The following ZSCAN4 variants were observed in gnomAD, a reference collection of about 807,000 sequenced individuals.
ZSCAN4 encodes zinc finger and SCAN domain containing 4.
Under a neutral mutation model 18.3 loss-of-function variants are expected in ZSCAN4, and 18 were observed. The observed-to-expected ratio is 0.98, with a 90% CI of 0.68 to 1.46. ZSCAN4 has a LOEUF of 1.46. ZSCAN4 is among the 40% of genes most tolerant of loss of function. The probability of loss-of-function intolerance (pLI) is 0.00; values close to 1 mark genes in which losing one functional copy is unlikely to be tolerated. For missense variants in ZSCAN4, 498 were observed against 511.4 expected (o/e 0.97, Z 0.25); for synonymous variants, 193 against 180.3 (o/e 1.07, Z -0.57).
chr19:57,656,359 T>C, the ZSCAN4 span, among the ~76,000 whole-genome samples: 3 of 152,366 alleles, frequency 2.0e-5, no homozygotes, highest in South Asian at 6.2e-4. Context: ...AAGGGAAGGC[T>C]GATGTTATCT....
At chr19:57,676,943 T>C (rs1984207262) in intron 3 of ZSCAN4, among the ~76,000 whole-genome samples, 2 of 152,118 alleles carry the variant, frequency 1.3e-5, no homozygotes, top group African/African-American at 2.4e-5. Context: ...CAAGGCCGGC[T>C]AATTTTTGTA....
the ZSCAN4 span, among the ~76,000 whole-genome samples, chr19:57,663,147 CCCG>C: frequency 4.0e-5 from 6 of 151,604 alleles, no homozygotes; most frequent in Non-Finnish European, 7.4e-5. Flanking sequence ...AAGTGATCCG[CCCG>C]CCTCGGCCTC....
chr19:57,662,858 C>G, the ZSCAN4 span, among the ~76,000 whole-genome samples: 1 of 151,958 alleles, frequency 6.6e-6, no homozygotes, highest in Non-Finnish European at 1.5e-5. Flanking sequence ...CTACACCCAG[C>G]CTAAGACTAT....
Position 57,678,154 on chromosome 19 carries a change from C to T in ZSCAN4, c.563-12C>T. On this transcript the variant is annotated splice_polypyrimidine_tract_variant and intron_variant, in intron 4 of 4. Transcript: ENST00000318203. Reference sequence around the variant, plus strand: ...TCTTAAGTACAACTTCATTGAGTGTCTATTTTCACAGGATATGAAGATGAA... The same window carrying T: ...TCTTAAGTACAACTTCATTGAGTGTTTATTTTCACAGGATATGAAGATGAA... 1 of 1,609,426 alleles carries T rather than the reference C, an allele frequency of 6.2e-7. No homozygotes were observed.
exon 5 of ZSCAN4, chr19:57,678,472 A>G (rs1401817399): frequency 6.2e-7 from 1 of 1,614,162 alleles, no homozygotes; most frequent in African/African-American, 1.3e-5. Context: ...CTTACCCACC[A>G]GAGCAATGAG....
chr19:57,676,090 A>G (rs1224575911), exon 3 of ZSCAN4: 8 of 1,512,444 alleles, frequency 5.3e-6, no homozygotes, highest in Non-Finnish European at 7.1e-6. Flanking sequence ...CCCTAGAGAC[A>G]CAAGGCAAGA....
chr19:57,658,833 CAAA>C, the ZSCAN4 span, among the ~76,000 whole-genome samples: 4 of 68,694 alleles, frequency 5.8e-5, no homozygotes, highest in Admixed American at 1.6e-4. Context: ...GACTGTGTCT[CAAA>C]AAAAAAAAAA....
chr19:57,673,173 C>T (rs762923795), intron 2 of ZSCAN4, among the ~76,000 whole-genome samples: 57 of 152,144 alleles, frequency 3.7e-4, no homozygotes, highest in Non-Finnish European at 6.2e-4. Flanking sequence ...CTCAGCCTAC[C>T]GAGTAGCTGG....
chr19:57,651,489 C>G, the ZSCAN4 span, among the ~76,000 whole-genome samples: 1 of 152,154 alleles, frequency 6.6e-6, no homozygotes, highest in Non-Finnish European at 1.5e-5. Flanking sequence ...CTACAACAAG[C>G]CCAGACCTCT....
chr19:57,662,523 T>A, the ZSCAN4 span, among the ~76,000 whole-genome samples: 3 of 152,304 alleles, frequency 2.0e-5, no homozygotes, highest in East Asian at 3.9e-4. Context: ...TGTAAAAATA[T>A]ACAAATATTT....
At chr19:57,668,619 C>G (rs1295199982), upstream of ZSCAN4, among the ~76,000 whole-genome samples, 1 of 152,114 alleles carries the variant, frequency 6.6e-6, no homozygotes, top group Non-Finnish European at 1.5e-5. Context: ...AAGCCTCAGC[C>G]TGTATGAGGG....
At chr19:57,653,082 A>G in the ZSCAN4 span, among the ~76,000 whole-genome samples, 1 of 152,220 alleles carries the variant, frequency 6.6e-6, no homozygotes, top group Non-Finnish European at 1.5e-5. Flanking sequence ...GGTAAAGGCA[A>G]GATCATAAGA....
chr19:57,666,829 C>T (rs926250267), upstream of ZSCAN4, among the ~76,000 whole-genome samples: 3 of 152,036 alleles, frequency 2.0e-5, no homozygotes, highest in Non-Finnish European at 4.4e-5. Flanking sequence ...CCAGCCTGGG[C>T]GACAGAGCAA....
exon 5 of ZSCAN4, chr19:57,678,796 G>A: frequency 1.2e-6 from 2 of 1,614,134 alleles, no homozygotes; most frequent in South Asian, 1.1e-5. Flanking sequence ...CCTTATACAT[G>A]TCCCTTTTGT....
the ZSCAN4 span, among the ~76,000 whole-genome samples, chr19:57,655,788 C>G: frequency 6.6e-6 from 1 of 152,062 alleles, no homozygotes; most frequent in African/African-American, 2.4e-5. Context: ...TTTAGATTCC[C>G]TTTCCTTCCC....
chr19:57,667,904 T>C (rs1463330069), upstream of ZSCAN4, among the ~76,000 whole-genome samples: 3 of 151,844 alleles, frequency 2.0e-5, no homozygotes, highest in Non-Finnish European at 4.4e-5. Context: ...TTTTGTTTGT[T>C]TGTTTGTTTG....
chr19:57,664,521 TGC>T (rs1983804464), upstream of ZSCAN4: 1 of 152,116 alleles, frequency 6.6e-6, no homozygotes, highest in African/African-American at 2.4e-5. Context: ...GGGCTGCGGC[TGC>T]AGGCCGAGGG....
exon 3 of ZSCAN4, chr19:57,676,441 A>G (rs770095202): frequency 6.2e-7 from 1 of 1,614,234 alleles, no homozygotes; most frequent in Admixed American, 1.7e-5. Context: ...GGCCACTGCA[A>G]TGACAAAGCC....
intron 2 of ZSCAN4, among the ~76,000 whole-genome samples, chr19:57,673,692 CT>C (rs950815197): frequency 9.2e-5 from 14 of 152,130 alleles, no homozygotes; most frequent in Non-Finnish European, 1.9e-4. Flanking sequence ...CCCCATGCCC[CT>C]GGCAACCACC....
Sources: allele counts gnomAD v4.1 joint callset (sites outside exome capture counted in the v4.1 genomes callset), GRCh38; gene constraint gnomAD v4.1.1; transcripts MANE v1.5; gene names NCBI Gene and HGNC (gene_info 2026-07-23, HGNC 2026-07-21).